The following IFT43 variants were observed in gnomAD, a reference collection of about 807,000 sequenced individuals.
IFT43 encodes the protein intraflagellar transport 43.
Under a neutral mutation model 32.3 loss-of-function variants are expected in IFT43, and 33 were observed. The observed-to-expected ratio is 1.02, with a 90% CI of 0.77 to 1.37. IFT43 has a LOEUF of 1.37. IFT43 is among the 40% of genes most tolerant of loss of function. IFT43 has a pLI of 0.00. For missense variants in IFT43, 274 were observed against 265.9 expected, an observed-to-expected ratio of 1.03 and a Z score of -0.21; for synonymous variants, 93 against 98.2, an observed-to-expected ratio of 0.95 and a Z score of 0.31.
intron 3 of IFT43, among the ~76,000 whole-genome samples, chr14:76,028,355 A>G (rs2036444308): frequency 6.6e-6 from 1 of 152,174 alleles, no homozygotes; most frequent in Admixed American, 6.5e-5. Flanking sequence ...CTCTAATTCT[A>G]CCATTCTATA....
At chr14:75,986,195 A>T (rs560161025) in intron 1 of IFT43, 4 of 1,314,856 alleles carry the variant, frequency 3.0e-6, no homozygotes, top group Admixed American at 4.5e-5. Context: ...CCGGGGTCGC[A>T]CTCGCTCCCA....
intron 2 of IFT43, among the ~76,000 whole-genome samples, chr14:76,007,516 A>T (rs1194419817): frequency 1.3e-5 from 2 of 152,164 alleles, no homozygotes; most frequent in African/African-American, 4.8e-5. Flanking sequence ...GTTCCAAGTC[A>T]TTCCATCCTG....
At chr14:76,068,415 T>TTC (rs1219318341) in intron 5 of IFT43, among the ~76,000 whole-genome samples, 1 of 152,208 alleles carries the variant, frequency 6.6e-6, no homozygotes, top group Non-Finnish European at 1.5e-5. Context: ...TGCTTTTGAT[T>TTC]AAGTTATGAA....
intron 3 of IFT43, among the ~76,000 whole-genome samples, chr14:76,028,254 G>C (rs954449637): frequency 7.9e-5 from 12 of 151,966 alleles, no homozygotes; most frequent in African/African-American, 2.9e-4. Flanking sequence ...TTTGAATCCT[G>C]TTCACCCACA....
intron 5 of IFT43, among the ~76,000 whole-genome samples, chr14:76,069,156 G>A (rs573484582): frequency 1.3e-5 from 2 of 152,272 alleles, no homozygotes; most frequent in Admixed American, 6.5e-5. Context: ...CATGGCAGAA[G>A]GCAAAGGGGG....
Position 75,987,460 on chromosome 14 carries a change from G to A in IFT43, c.55-1425G>A, listed in dbSNP as rs183866703. 3.0e-3 allele frequency among the ~76,000 whole-genome samples: 452 copies of A among 152,186 alleles called. 2 individuals carry two copies. The highest frequency in any genetic ancestry group is 0.01 in the African/African-American group (427 of 41,496). On this transcript the variant is annotated intron_variant, in intron 1 of 8. Coordinates refer to ENST00000314067, the MANE Select transcript of IFT43 (RefSeq NM_001102564.3). ...AACATCTTAAAACAAGTTTCAGCAG[G>A]GTAGAGTGGAAAGCACCCAGGAAAC... is the stretch of plus-strand genomic sequence containing the variant.
intron 1 of IFT43, chr14:75,986,078 CGGCGTCTAGGA>C (rs1419606784): frequency 6.8e-7 from 1 of 1,480,486 alleles, no homozygotes; most frequent in African/African-American, 1.4e-5. Flanking sequence ...CTGTCCCCGC[CGGCGTCTAGGA>C]CCGTGGGAAA....
At position 75,991,502 on chromosome 14, in the gene IFT43, G is replaced by A. The variant is rs575610097; in HGVS notation, c.147+2525G>A. 2.0e-5 allele frequency among the ~76,000 whole-genome samples: 3 copies of A among 151,844 alleles called. No homozygotes were observed. The South Asian group carries it at 6.2e-4, about 32-fold the overall frequency. ...CCACCTATGGTAGTTAGGTGAATGAGCCTGTGATGACCTCATTAGGCCTTG... is the reference window on the plus strand; with the variant it reads ...CCACCTATGGTAGTTAGGTGAATGAACCTGTGATGACCTCATTAGGCCTTG... On this transcript the variant is annotated intron_variant, in intron 2 of 8. Coordinates refer to ENST00000314067, the MANE Select transcript of IFT43 (RefSeq NM_001102564.3).
intron 2 of IFT43, among the ~76,000 whole-genome samples, chr14:76,008,256 G>A (rs1047240981): frequency 6.6e-6 from 1 of 152,166 alleles, no homozygotes; most frequent in African/African-American, 2.4e-5. Context: ...AATGAAATAT[G>A]TGCAAGGCCT....
intron 2 of IFT43, among the ~76,000 whole-genome samples, chr14:76,018,590 C>A (rs2036233542): frequency 6.6e-6 from 1 of 152,004 alleles, no homozygotes; most frequent in Non-Finnish European, 1.5e-5. Context: ...AGTTTAAATT[C>A]CCAGTTTTCT....
chr14:76,078,499 G>A (rs745832744), intron 5 of IFT43, among the ~76,000 whole-genome samples: 6 of 152,172 alleles, frequency 3.9e-5, no homozygotes, highest in Non-Finnish European at 7.3e-5. Flanking sequence ...CTTTCACATA[G>A]TGGGTGTTCC....
In IFT43 at chr14:76,064,332, C is replaced by T. The variant is rs116660593; in HGVS notation, c.295+4959C>T. On this transcript the variant is annotated intron_variant, in intron 5 of 8. Transcript: ENST00000314067. ...TTGTCACCTCAGAGATTGGTGGCTG[C>T]TGGTCACACTTGCAATCTGCCTGTC... is the stretch of plus-strand genomic sequence containing the variant. Among the ~76,000 whole-genome samples the T allele has an allele frequency of 1.0e-2, 1,521 of 152,308 alleles. 25 individuals carry two copies. Among genetic ancestry groups the T allele is most frequent in the African/African-American group, 0.034 (1,422 of 41,560 alleles).
At chr14:76,067,640 G>C (rs1202667985) in intron 5 of IFT43, among the ~76,000 whole-genome samples, 1 of 152,014 alleles carries the variant, frequency 6.6e-6, no homozygotes. Context: ...ATGAGAAATG[G>C]AGAGTGAGTG....
intron 2 of IFT43, among the ~76,000 whole-genome samples, chr14:76,016,982 T>C (rs1158338896): frequency 6.6e-6 from 1 of 152,176 alleles, no homozygotes; most frequent in African/African-American, 2.4e-5. Context: ...TAAGATCATA[T>C]CATCTGCAAA....
At chr14:76,060,889 C>CCCCTG (rs1414048201) in intron 5 of IFT43, among the ~76,000 whole-genome samples, 3 of 144,550 alleles carry the variant, frequency 2.1e-5, no homozygotes, top group Non-Finnish European at 4.6e-5. Context: ...GCTCTCCCCT[C>CCCCTG]CCCTCTCTTT....
At chr14:76,076,465 G>T (rs917116935) in intron 5 of IFT43, 5 of 1,367,976 alleles carry the variant, frequency 3.7e-6, no homozygotes, top group Non-Finnish European at 5.1e-6. Flanking sequence ...GGACCCAGGG[G>T]CCAGATTGGG....
chr14:76,059,384 C>G lies in IFT43; in HGVS notation c.295+11C>G, dbSNP rs376635840. ...CAGATTATGGAGGAGGTAAGAGGCCCTTGGAGGAAGTCAAAAGGTCTTCTA... is the reference window on the plus strand; with the variant it reads ...CAGATTATGGAGGAGGTAAGAGGCCGTTGGAGGAAGTCAAAAGGTCTTCTA... On this transcript the variant is annotated intron_variant, in intron 5 of 8. Transcript: ENST00000314067. The G allele has an allele frequency of 3.1e-6, 5 of 1,613,512 alleles. No individual in the cohort carries two copies. The African/African-American group carries it at 6.7e-5, about 22-fold the overall frequency.
At chr14:76,036,437 A>G (rs1030137678) in intron 3 of IFT43, among the ~76,000 whole-genome samples, 1 of 103,236 alleles carries the variant, frequency 9.7e-6, no homozygotes, top group Admixed American at 1.4e-4. Context: ...GTGGAGTCTC[A>G]CTCTCTTGCC....
intron 2 of IFT43, among the ~76,000 whole-genome samples, chr14:76,020,679 T>A (rs1321376846): frequency 6.6e-6 from 1 of 152,166 alleles, no homozygotes; most frequent in African/African-American, 2.4e-5. Flanking sequence ...TAGTTGTTAT[T>A]GGAGGCTGTG....
Sources: gnomAD v4.1 joint callset for allele counts (sites outside exome capture counted in the v4.1 genomes callset) on GRCh38, gnomAD v4.1.1 for gene constraint, MANE v1.5 for transcripts, NCBI Gene and HGNC (gene_info 2026-07-23, HGNC 2026-07-21) for gene names.